RBFOX1: variants seen among roughly 807,000 people sequenced by gnomAD.
RBFOX1 encodes the protein RNA binding fox-1 homolog 1.
Under a neutral mutation model 57.7 loss-of-function variants are expected in RBFOX1, and 8 were observed. The ratio of observed to expected loss-of-function variants is 0.14; its 90% CI spans 0.08 to 0.25. The LOEUF is 0.25. RBFOX1 is among the 10% of genes least tolerant of loss of function. The probability of loss-of-function intolerance (pLI) is 1.00; values close to 1 mark genes in which losing one functional copy is unlikely to be tolerated. For missense variants in RBFOX1, 611 were observed against 548.5 expected, an observed-to-expected ratio of 1.11 and a Z score of -1.14; for synonymous variants, 326 against 222.4, an observed-to-expected ratio of 1.47 and a Z score of -4.15.
intron 4 of RBFOX1, among the ~76,000 whole-genome samples, chr16:7,504,767 A>ATT (rs2072528301): frequency 1.8e-4 from 2 of 11,346 alleles, no homozygotes; most frequent in Non-Finnish European, 3.2e-4. Context: ...ATATATATAT[A>ATT]TATTTATATA....
At chr16:7,703,836 C>G (rs974730632) in intron 14 of RBFOX1, among the ~76,000 whole-genome samples, 2 of 152,196 alleles carry the variant, frequency 1.3e-5, no homozygotes, top group Admixed American at 6.5e-5. Context: ...TAAATTAGAT[C>G]TCAACTCCAA....
intron 1 of RBFOX1, among the ~76,000 whole-genome samples, chr16:6,259,915 C>T (rs933823774): frequency 2.0e-5 from 3 of 148,318 alleles, no homozygotes; most frequent in Non-Finnish European, 3.0e-5. Flanking sequence ...GAGCTGAGAT[C>T]GTGCCACTGA....
intron 3 of RBFOX1, among the ~76,000 whole-genome samples, chr16:5,692,826 C>A (rs924301209): frequency 6.6e-6 from 1 of 151,864 alleles, no homozygotes; most frequent in South Asian, 2.1e-4. Flanking sequence ...ATCTGCAAGC[C>A]GAGTAAGAAA....
chr16:6,532,921 C>T (rs918877420), intron 2 of RBFOX1, among the ~76,000 whole-genome samples: 4 of 152,200 alleles, frequency 2.6e-5, no homozygotes, highest in Non-Finnish European at 5.9e-5. Context: ...TGGTCACTCT[C>T]CTCTCACTTT....
At chr16:6,330,548 A>T (rs958414655) in intron 2 of RBFOX1, among the ~76,000 whole-genome samples, 3 of 152,176 alleles carry the variant, frequency 2.0e-5, no homozygotes, top group African/African-American at 2.4e-5. Flanking sequence ...TTGCTGTCTC[A>T]CTATATCAAG....
intron 4 of RBFOX1, among the ~76,000 whole-genome samples, chr16:7,141,269 G>T (rs562849660): frequency 6.6e-6 from 1 of 152,126 alleles, no homozygotes; most frequent in African/African-American, 2.4e-5. Flanking sequence ...TAAGTTCAGG[G>T]CATCTATTCA....
intron 4 of RBFOX1, among the ~76,000 whole-genome samples, chr16:7,198,553 C>T (rs895890106): frequency 2.2e-4 from 34 of 152,136 alleles, no homozygotes; most frequent in African/African-American, 8.2e-4. Context: ...TAAAAGCAAT[C>T]AAAGTGTATT....
chr16:5,420,897 CTCCT>C (rs2067302570), intron 1 of RBFOX1, among the ~76,000 whole-genome samples: 1 of 133,752 alleles, frequency 7.5e-6, no homozygotes, highest in Non-Finnish European at 1.6e-5. Context: ...CCTCCTCTCC[CTCCT>C]CCTCTGCCTC....
chr16:6,806,035 G>A (rs2086690298), intron 3 of RBFOX1, among the ~76,000 whole-genome samples: 1 of 152,174 alleles, frequency 6.6e-6, no homozygotes, highest in African/African-American at 2.4e-5. Flanking sequence ...ATATTTGCTA[G>A]TTGCAGCTCT....
intron 2 of RBFOX1, among the ~76,000 whole-genome samples, chr16:6,503,415 T>TA (rs1391054257): frequency 6.6e-6 from 1 of 152,288 alleles, no homozygotes; most frequent in Non-Finnish European, 1.5e-5. Flanking sequence ...TTTCGTGGCT[T>TA]AAAAAAATCA....
chr16:6,050,907 A>G (rs539593236), intron 1 of RBFOX1, among the ~76,000 whole-genome samples: 1 of 151,124 alleles, frequency 6.6e-6, no homozygotes, highest in African/African-American at 2.4e-5. Flanking sequence ...TTATTCAATC[A>G]TCAACCGGTG....
chr16:5,672,003 C>A (rs1233767689), intron 3 of RBFOX1, among the ~76,000 whole-genome samples: 2 of 152,018 alleles, frequency 1.3e-5, no homozygotes, highest in African/African-American at 4.8e-5. Context: ...CTTCAGGTAA[C>A]CCAGTTAAAT....
chr16:6,171,812 T>TTTTATTTATTTATTTATTTA (rs370403385), intron 1 of RBFOX1, among the ~76,000 whole-genome samples: 5,438 of 151,486 alleles, frequency 0.036, 210 homozygotes, highest in African/African-American at 0.093. Flanking sequence ...CTTATTTTTA[T>TTTTATTTATTTATTTATTTA]TTTATTTATT....
intron 1 of RBFOX1, among the ~76,000 whole-genome samples, chr16:5,347,653 T>TACCCATCC (rs1240194766): frequency 8.3e-6 from 1 of 120,218 alleles, no homozygotes; most frequent in Non-Finnish European, 1.7e-5. Flanking sequence ...TCTACCCATC[T>TACCCATCC]ACCCATCCAC....
At chr16:5,455,366 C>T (rs1395861628) in intron 1 of RBFOX1, among the ~76,000 whole-genome samples, 1 of 152,054 alleles carries the variant, frequency 6.6e-6, no homozygotes. Flanking sequence ...GCTTCAGAAG[C>T]CGCCTAGTAT....
chr16:7,411,902 CA>C (rs60700135), intron 4 of RBFOX1, among the ~76,000 whole-genome samples: 26,716 of 94,650 alleles, frequency 0.28, 2,648 homozygotes, highest in East Asian at 0.54. Flanking sequence ...AAACTCCTTT[CA>C]AAAAAAAAAA....
At chr16:7,242,389 C>G (rs955018695) in intron 4 of RBFOX1, among the ~76,000 whole-genome samples, 8 of 152,240 alleles carry the variant, frequency 5.3e-5, no homozygotes, top group African/African-American at 1.9e-4. Context: ...GCTGTGTGAG[C>G]TTGGGCAAGA....
At chr16:7,142,463 A>C (rs1390726334) in intron 4 of RBFOX1, among the ~76,000 whole-genome samples, 1 of 152,076 alleles carries the variant, frequency 6.6e-6, no homozygotes, top group Non-Finnish European at 1.5e-5. Context: ...TGGCTTCCTG[A>C]GAGTCCCTGG....
At chr16:6,699,721 A>G (rs2061549482) in intron 3 of RBFOX1, among the ~76,000 whole-genome samples, 1 of 152,188 alleles carries the variant, frequency 6.6e-6, no homozygotes, top group Non-Finnish European at 1.5e-5. Flanking sequence ...ATGAATGATC[A>G]GGCATGGCCG....
Sources: allele counts gnomAD v4.1 joint callset (sites outside exome capture counted in the v4.1 genomes callset), GRCh38; gene constraint gnomAD v4.1.1; transcripts MANE v1.5; gene names NCBI Gene and HGNC (gene_info 2026-07-23, HGNC 2026-07-21).